The following TSPAN11 variants were observed in gnomAD, a reference collection of about 807,000 sequenced individuals.
The protein encoded by TSPAN11 is tetraspanin 11, also known as tetraspanin-11.
Under a neutral mutation model 32.9 loss-of-function variants are expected in TSPAN11, and 29 were observed. The observed-to-expected ratio is 0.88, with a 90% CI of 0.66 to 1.20. The LOEUF (loss-of-function observed/expected upper bound fraction) is 1.20. TSPAN11 is among the 50% of genes most tolerant of loss of function. The pLI is 0.00. For missense variants in TSPAN11, 283 were observed against 329.1 expected (o/e 0.86, Z 1.08); for synonymous variants, 140 against 141.3 (o/e 0.99, Z 0.07).
At chr12:30,953,560 ATGCAGAGTCC>A (rs1166084372) in intron 1 of TSPAN11, among the ~76,000 whole-genome samples, 11 of 152,190 alleles carry the variant, frequency 7.2e-5, no homozygotes, top group Admixed American at 2.6e-4. Flanking sequence ...ACACCTGTGG[ATGCAGAGTCC>A]TGTTCAAATG....
chr12:30,927,137 A>T (rs755279369), intron 1 of TSPAN11: 65 of 789,694 alleles, frequency 8.2e-5, no homozygotes, highest in Non-Finnish European at 1.1e-4. Flanking sequence ...TGCCCGGGGC[A>T]TGTCTGTTCC....
At position 30,943,020 on chromosome 12, in the gene TSPAN11, T is replaced by C. The variant is rs549468422; in HGVS notation, c.-11-10961T>C. Among the ~76,000 whole-genome samples, 163 of 152,302 alleles carry C rather than the reference T, an allele frequency of 1.1e-3. 1 individual carries two copies. The highest frequency in any genetic ancestry group is 3.7e-3 in the African/African-American group (153 of 41,564). On this transcript the variant is annotated intron_variant, in intron 1 of 7. Coordinates refer to ENST00000546076, the MANE Select transcript of TSPAN11 (RefSeq NM_001370302.1). ...CAGCCACTGGATCTCTTGGCCTCAG[T>C]CAAGGAGACAGAGGACCAGGGAGAA...
the TSPAN11 span, among the ~76,000 whole-genome samples, chr12:31,011,346 T>C: frequency 3.3e-5 from 5 of 152,138 alleles, no homozygotes; most frequent in Non-Finnish European, 5.9e-5. Context: ...CCCTGAAAGA[T>C]TTAACCTGGC....
At chr12:31,003,733 G>A in the TSPAN11 span, among the ~76,000 whole-genome samples, 2 of 152,180 alleles carry the variant, frequency 1.3e-5, no homozygotes, top group South Asian at 2.1e-4. Flanking sequence ...GGGTTCCCGG[G>A]GAGGACTCCT....
At chr12:30,927,542 T>C (rs145635888) in intron 1 of TSPAN11, among the ~76,000 whole-genome samples, 132 of 152,112 alleles carry the variant, frequency 8.7e-4, no homozygotes, top group African/African-American at 3.1e-3. Context: ...GGAATAAGTG[T>C]TCCAGAGGTC....
chr12:30,976,524 C>T (rs996866880), intron 3 of TSPAN11, among the ~76,000 whole-genome samples: 13 of 152,250 alleles, frequency 8.5e-5, no homozygotes, highest in East Asian at 3.9e-4. Flanking sequence ...CATCCACAGA[C>T]GCTCTCTTCA....
At chr12:30,989,883 AC>A (rs1939276508) in intron 7 of TSPAN11, among the ~76,000 whole-genome samples, 1 of 152,178 alleles carries the variant, frequency 6.6e-6, no homozygotes, top group Non-Finnish European at 1.5e-5. Context: ...GCCAAGTGTC[AC>A]ACACAGGCAG....
At chr12:30,953,285 A>G (rs1305881392) in intron 1 of TSPAN11, among the ~76,000 whole-genome samples, 1 of 152,218 alleles carries the variant, frequency 6.6e-6, no homozygotes, top group African/African-American at 2.4e-5. Context: ...TATATGTGTC[A>G]TTATTATCCC....
chr12:30,950,212 C>T (rs577854542), intron 1 of TSPAN11, among the ~76,000 whole-genome samples: 4 of 152,140 alleles, frequency 2.6e-5, no homozygotes, highest in African/African-American at 7.2e-5. Flanking sequence ...CTTGACTTGA[C>T]CCCCTACATA....
intron 2 of TSPAN11, 35 bp downstream of exon 2, chr12:30,954,110 A>T (rs961063442): frequency 6.6e-6 from 10 of 1,517,540 alleles, no homozygotes; most frequent in Non-Finnish European, 8.2e-6. Flanking sequence ...CTCTTCCCCG[A>T]GCACTGAATG....
chr12:30,990,531 C>A (rs1939292303), intron 7 of TSPAN11, among the ~76,000 whole-genome samples: 1 of 152,228 alleles, frequency 6.6e-6, no homozygotes, highest in South Asian at 2.1e-4. Flanking sequence ...CGCCTTTCAG[C>A]CTGAGGCCCC....
At chr12:30,974,020 G>A (rs549330575) in intron 3 of TSPAN11, among the ~76,000 whole-genome samples, 144 of 152,310 alleles carry the variant, frequency 9.5e-4, no homozygotes, top group Admixed American at 1.8e-3. Flanking sequence ...CAGCCCCGGG[G>A]TCCCATGGGG....
chr12:30,967,771 G>C (rs916084521), intron 3 of TSPAN11, among the ~76,000 whole-genome samples: 1 of 102,240 alleles, frequency 9.8e-6, no homozygotes, highest in African/African-American at 3.9e-5. Flanking sequence ...TCTCTGCCAG[G>C]GCGCTAGCAA....
chr12:30,932,291 A>G (rs1037501174), intron 1 of TSPAN11, among the ~76,000 whole-genome samples: 7 of 152,216 alleles, frequency 4.6e-5, no homozygotes, highest in African/African-American at 1.7e-4. Flanking sequence ...AATTATTAGT[A>G]TGAATTTTAC....
the TSPAN11 span, among the ~76,000 whole-genome samples, chr12:31,015,192 G>A: frequency 6.6e-6 from 1 of 152,146 alleles, no homozygotes; most frequent in Non-Finnish European, 1.5e-5. The surrounding 1 kb of genome is among the most constrained non-coding windows in gnomAD (Gnocchi z 4.9). Context: ...TGTGTATGGC[G>A]TAATATTTCT....
chr12:31,011,598 C>T, the TSPAN11 span, among the ~76,000 whole-genome samples: 1 of 152,214 alleles, frequency 6.6e-6, no homozygotes, highest in Non-Finnish European at 1.5e-5. Flanking sequence ...CCTCCCATCA[C>T]AGCGCATGCC....
chr12:31,007,569 T>G, the TSPAN11 span, among the ~76,000 whole-genome samples: 2 of 152,176 alleles, frequency 1.3e-5, no homozygotes, highest in Admixed American at 6.5e-5. Flanking sequence ...TGGGTGTCAC[T>G]GGTGGCCCCC....
chr12:31,008,848 C>T, the TSPAN11 span, among the ~76,000 whole-genome samples: 1 of 152,210 alleles, frequency 6.6e-6, no homozygotes, highest in African/African-American at 2.4e-5. Flanking sequence ...CCACCCATTT[C>T]CCTGAGTTCC....
intron 2 of TSPAN11, chr12:30,955,329 T>G (rs1938457748): frequency 6.6e-6 from 1 of 152,202 alleles, no homozygotes; most frequent in Non-Finnish European, 1.5e-5. Context: ...AATAAAGCTG[T>G]GTTGATATGG....
Sources: gnomAD v4.1 joint callset for allele counts (sites outside exome capture counted in the v4.1 genomes callset) on GRCh38, gnomAD v4.1.1 for gene constraint, Gnocchi (gnomAD v3.1) non-coding constraint, MANE v1.5 for transcripts, NCBI Gene and HGNC (gene_info 2026-07-23, HGNC 2026-07-21) for gene names.